Variants in TAFA4 observed in about 807,000 individuals in gnomAD.
TAFA4 encodes the protein chemokine-like protein TAFA-4.
In TAFA4, 20 loss-of-function variants were observed where a neutral mutation model predicts 21.1. The ratio of observed to expected loss-of-function variants is 0.95; its 90% CI spans 0.67 to 1.38. TAFA4 has a LOEUF of 1.38. Among genes scored for constraint, TAFA4 ranks in the 40% most tolerant of loss-of-function variants. TAFA4 has a pLI of 0.00. For missense variants in TAFA4, 211 were observed against 180.9 expected, an observed-to-expected ratio of 1.17 and a Z score of -0.95; for synonymous variants, 71 against 67.4, an observed-to-expected ratio of 1.05 and a Z score of -0.26.
At chr3:68,799,062 T>C (rs1318514387) in intron 3 of TAFA4, among the ~76,000 whole-genome samples, 1 of 152,166 alleles carries the variant, frequency 6.6e-6, no homozygotes, top group African/African-American at 2.4e-5. Context: ...TGAAGAGTTT[T>C]TGAGCAGCAA....
intron 1 of TAFA4, among the ~76,000 whole-genome samples, chr3:68,891,325 A>G (rs9848951): frequency 0.28 from 42,263 of 152,140 alleles, 7,132 homozygotes; most frequent in Middle Eastern, 0.41. Context: ...GCTTAATAAC[A>G]AACAAATAGC....
chr3:68,746,185 G>C (rs1702455121), intron 4 of TAFA4, among the ~76,000 whole-genome samples: 1 of 152,114 alleles, frequency 6.6e-6, no homozygotes, highest in Non-Finnish European at 1.5e-5. Context: ...TGGGCTGAAG[G>C]CTGCACTGTT....
intron 1 of TAFA4, among the ~76,000 whole-genome samples, chr3:68,895,727 AGAGCCTGTGCT>A (rs983541930): frequency 4.6e-5 from 7 of 152,202 alleles, no homozygotes; most frequent in Admixed American, 4.6e-4. Flanking sequence ...TCTCTGTGCC[AGAGCCTGTGCT>A]GAGTACTGGA....
intron 3 of TAFA4, among the ~76,000 whole-genome samples, chr3:68,875,551 G>A (rs2089536753): frequency 6.6e-6 from 1 of 152,038 alleles, no homozygotes; most frequent in South Asian, 2.1e-4. Flanking sequence ...TACATCCATA[G>A]ATTTACTGAA....
At chr3:68,820,758 A>G (rs1704095710) in intron 3 of TAFA4, among the ~76,000 whole-genome samples, 1 of 152,210 alleles carries the variant, frequency 6.6e-6, no homozygotes, top group Non-Finnish European at 1.5e-5. Context: ...TATGTTACAT[A>G]GCTTGATTTA....
intron 1 of TAFA4, among the ~76,000 whole-genome samples, chr3:68,927,475 T>C (rs2090119054): frequency 6.6e-6 from 1 of 152,220 alleles, no homozygotes; most frequent in East Asian, 1.9e-4. Context: ...TGAAATACTG[T>C]AGAATGTTCT....
chr3:68,812,064 C>T (rs1286650086), intron 3 of TAFA4, among the ~76,000 whole-genome samples: 1 of 152,118 alleles, frequency 6.6e-6, no homozygotes, highest in Non-Finnish European at 1.5e-5. Context: ...ATTTCATATC[C>T]AGCCAAACTA....
intron 3 of TAFA4, among the ~76,000 whole-genome samples, chr3:68,800,338 T>A (rs9874378): frequency 0.42 from 64,090 of 151,980 alleles, 13,874 homozygotes; most frequent in Non-Finnish European, 0.46. Flanking sequence ...AAATTTGTGT[T>A]GTTTTGAGCA....
intron 3 of TAFA4, among the ~76,000 whole-genome samples, chr3:68,813,345 G>A (rs1703884624): frequency 6.6e-6 from 1 of 152,132 alleles, no homozygotes; most frequent in South Asian, 2.1e-4. Flanking sequence ...AGGAGACAGA[G>A]ACACAGAGAA....
intron 3 of TAFA4, among the ~76,000 whole-genome samples, chr3:68,864,971 A>G (rs546639742): frequency 6.6e-6 from 1 of 152,218 alleles, no homozygotes; most frequent in South Asian, 2.1e-4. Flanking sequence ...AGGAAAGAGG[A>G]GCTGATTACA....
chr3:68,848,688 G>A lies in TAFA4; in HGVS notation c.130+32042C>T, dbSNP rs368030213. Among the ~76,000 whole-genome samples, 35 of 152,196 alleles carry A rather than the reference G, an allele frequency of 2.3e-4. 1 individual carries two copies. The highest frequency in any genetic ancestry group is 8.4e-4 in the African/African-American group (35 of 41,504). ...AACTTTCCCCACATCCAGTACCAGT[G>A]GCTCAGACAGTAATTTCTGTTGCCA... On this transcript the variant is annotated intron_variant, in intron 3 of 5. Coordinates refer to ENST00000295569, the MANE Select transcript of TAFA4 (RefSeq NM_182522.5).
chr3:68,889,579 A>G (rs552013730), intron 1 of TAFA4, among the ~76,000 whole-genome samples: 3 of 152,164 alleles, frequency 2.0e-5, no homozygotes, highest in Non-Finnish European at 4.4e-5. Context: ...TCCACATATG[A>G]ATCTGCAGGG....
chr3:68,875,299 C>T (rs767021732), intron 3 of TAFA4, among the ~76,000 whole-genome samples: 13 of 151,406 alleles, frequency 8.6e-5, no homozygotes, highest in Non-Finnish European at 1.5e-4. Flanking sequence ...ATCAATAGTA[C>T]GGTTGTTAAA....
chr3:68,752,284 T>G (rs1038391532), intron 4 of TAFA4, among the ~76,000 whole-genome samples: 1 of 152,136 alleles, frequency 6.6e-6, no homozygotes, highest in Non-Finnish European at 1.5e-5. Context: ...TCAAAAGAAA[T>G]CAATCCCAGG....
chr3:68,902,807 G>A lies in TAFA4; in HGVS notation c.-122-17497C>T, dbSNP rs772140301. 3.7e-4 allele frequency among the ~76,000 whole-genome samples: 57 copies of A among 152,122 alleles called. 1 individual carries two copies. The highest frequency in any genetic ancestry group is 6.2e-4 in the South Asian group (3 of 4,818). On this transcript the variant is annotated intron_variant, in intron 1 of 5. Coordinates refer to ENST00000295569, the MANE Select transcript of TAFA4 (RefSeq NM_182522.5). ...AACCTTATCAGACATGAAAACACTT[G>A]ACATCCAAACAAGAAGCAGGCCTGT...
intron 3 of TAFA4, among the ~76,000 whole-genome samples, chr3:68,823,688 T>C (rs753771288): frequency 5.3e-5 from 8 of 152,166 alleles, no homozygotes; most frequent in Non-Finnish European, 8.8e-5. Context: ...ACTTATAAAG[T>C]GAGGACATGC....
intron 3 of TAFA4, among the ~76,000 whole-genome samples, chr3:68,758,000 T>G (rs1347498524): frequency 2.6e-5 from 4 of 152,206 alleles, no homozygotes; most frequent in African/African-American, 9.7e-5. Flanking sequence ...TTACTCCGAT[T>G]TTATCTTTAA....
chr3:68,835,999 T>C (rs943959146), intron 3 of TAFA4, among the ~76,000 whole-genome samples: 31 of 152,248 alleles, frequency 2.0e-4, no homozygotes, highest in African/African-American at 7.2e-4. Flanking sequence ...CAGTGTATTT[T>C]CTCATTATAT....
chr3:68,884,078 G>A (rs1481394408), intron 2 of TAFA4, among the ~76,000 whole-genome samples: 1 of 152,154 alleles, frequency 6.6e-6, no homozygotes, highest in Non-Finnish European at 1.5e-5. Context: ...TAATGAAAGT[G>A]ATATTATAAA....
Sources: gnomAD v4.1 joint callset for allele counts (sites outside exome capture counted in the v4.1 genomes callset) on GRCh38, gnomAD v4.1.1 for gene constraint, MANE v1.5 for transcripts, NCBI Gene and HGNC (gene_info 2026-07-23, HGNC 2026-07-21) for gene names.